PDHX: variants seen among roughly 807,000 people sequenced by gnomAD.
PDHX encodes the protein pyruvate dehydrogenase complex component X.
Under a neutral mutation model 55.3 loss-of-function variants are expected in PDHX, and 33 were observed. The observed-to-expected ratio is 0.60, with a 90% CI of 0.45 to 0.80. The LOEUF is 0.80. Among genes scored for constraint, PDHX ranks in the 30% least tolerant of loss-of-function variants. PDHX has a pLI of 0.00. For missense variants in PDHX, 622 were observed against 619.9 expected, an observed-to-expected ratio of 1.00 and a Z score of -0.04; for synonymous variants, 226 against 219.4, an observed-to-expected ratio of 1.03 and a Z score of -0.27.
chr11:34,974,855 C>T (rs1174817280), intron 7 of PDHX, among the ~76,000 whole-genome samples: 1 of 152,126 alleles, frequency 6.6e-6, no homozygotes, highest in Non-Finnish European at 1.5e-5. Context: ...TTACAGTGAG[C>T]TATAATTGCA....
At chr11:34,931,166 G>A (rs1315842317) in intron 1 of PDHX, among the ~76,000 whole-genome samples, 1 of 151,960 alleles carries the variant, frequency 6.6e-6, no homozygotes, top group Non-Finnish European at 1.5e-5. Flanking sequence ...TAGAACACTG[G>A]GGAATTATGA....
chr11:34,947,243 A>G (rs879021726), intron 2 of PDHX, among the ~76,000 whole-genome samples: 1 of 152,146 alleles, frequency 6.6e-6, no homozygotes, highest in Non-Finnish European at 1.5e-5. Context: ...TCATTTTTAC[A>G]TGCTCAGTAA....
intron 1 of PDHX, among the ~76,000 whole-genome samples, chr11:34,920,042 A>G (rs1158769789): frequency 6.6e-6 from 1 of 152,226 alleles, no homozygotes; most frequent in African/African-American, 2.4e-5. Context: ...AGGAAATAAT[A>G]TATAAGGCAG....
intron 8 of PDHX, among the ~76,000 whole-genome samples, chr11:34,983,554 C>T (rs1855569469): frequency 6.6e-6 from 1 of 151,950 alleles, no homozygotes; most frequent in South Asian, 2.1e-4. Context: ...TCTCCTTAAG[C>T]TGATAGGCAA....
At chr11:34,990,947 A>C (rs56922113) in intron 9 of PDHX, among the ~76,000 whole-genome samples, 3,784 of 152,260 alleles carry the variant, frequency 0.025, 90 homozygotes, top group Middle Eastern at 0.082. Context: ...TTCCACATTT[A>C]TTTTATCTAC....
intron 5 of PDHX, 77 bp downstream of exon 5, chr11:34,960,595 C>T (rs1855003901): frequency 1.2e-6 from 1 of 854,562 alleles, no homozygotes; most frequent in African/African-American, 1.7e-5. Flanking sequence ...ATAAAAAGAG[C>T]TTATTCAGTC....
At chr11:34,977,569 A>AT (rs1345810211) in intron 7 of PDHX, among the ~76,000 whole-genome samples, 2 of 151,866 alleles carry the variant, frequency 1.3e-5, no homozygotes. Flanking sequence ...AAGCAGTTAA[A>AT]TTTTTTTTCA....
chr11:34,967,777 A>T (rs1855168000), intron 6 of PDHX, among the ~76,000 whole-genome samples: 1 of 152,214 alleles, frequency 6.6e-6, no homozygotes, highest in Admixed American at 6.5e-5. Context: ...AAAAGAGTTG[A>T]AAACAGTACA....
chr11:34,975,079 TTA>T (rs1855337046), intron 7 of PDHX, among the ~76,000 whole-genome samples: 1 of 152,214 alleles, frequency 6.6e-6, no homozygotes, highest in South Asian at 2.1e-4. Flanking sequence ...TTTCAGTTCT[TTA>T]AATAAAGATA....
At chr11:34,990,000 C>T (rs1413832890) in intron 9 of PDHX, among the ~76,000 whole-genome samples, 1 of 152,106 alleles carries the variant, frequency 6.6e-6, no homozygotes, top group Non-Finnish European at 1.5e-5. Context: ...CCATGAACCC[C>T]AAGTTAAGAA....
intron 1 of PDHX, among the ~76,000 whole-genome samples, chr11:34,924,541 A>G (rs1322309980): frequency 6.6e-6 from 1 of 152,144 alleles, no homozygotes; most frequent in African/African-American, 2.4e-5. Flanking sequence ...CTTTACAAAA[A>G]TCTATTTATG....
intron 7 of PDHX, among the ~76,000 whole-genome samples, chr11:34,970,730 AG>A (rs1290304066): frequency 6.6e-6 from 1 of 152,224 alleles, no homozygotes; most frequent in Non-Finnish European, 1.5e-5. Context: ...TGAAGCTCAA[AG>A]GAAGTCCTCA....
At chr11:34,951,671 C>G (rs1240170122) in intron 3 of PDHX, among the ~76,000 whole-genome samples, 1 of 152,098 alleles carries the variant, frequency 6.6e-6, no homozygotes, top group African/African-American at 2.4e-5. Context: ...ATGGTAGTTT[C>G]TTTTGCTGTG....
intron 8 of PDHX, among the ~76,000 whole-genome samples, chr11:34,978,720 A>C (rs1305613490): frequency 6.6e-6 from 1 of 152,030 alleles, no homozygotes; most frequent in Non-Finnish European, 1.5e-5. Context: ...GCATTAACCA[A>C]AGATGTGGTG....
intron 2 of PDHX, among the ~76,000 whole-genome samples, chr11:34,935,167 TA>T (rs1854279620): frequency 6.6e-6 from 1 of 151,808 alleles, no homozygotes; most frequent in African/African-American, 2.4e-5. Context: ...ATTTATTTTT[TA>T]TATATAAATT....
chr11:34,937,178 G>A (rs1320551044), intron 2 of PDHX, among the ~76,000 whole-genome samples: 3 of 152,172 alleles, frequency 2.0e-5, no homozygotes, highest in African/African-American at 7.2e-5. Context: ...GGAGATAACT[G>A]TAGGCAATTT....
chr11:34,929,718 G>A (rs529925080), intron 1 of PDHX, among the ~76,000 whole-genome samples: 8 of 152,294 alleles, frequency 5.3e-5, no homozygotes, highest in South Asian at 4.1e-4. Flanking sequence ...ATGAAGATTC[G>A]CATCCTGTAA....
intron 1 of PDHX, among the ~76,000 whole-genome samples, chr11:34,919,941 G>T (rs1853832310): frequency 6.6e-6 from 1 of 152,118 alleles, no homozygotes; most frequent in Non-Finnish European, 1.5e-5. Context: ...GATCCTTAAG[G>T]TATTTGTAGT....
chr11:34,989,804 A>G lies in PDHX; in HGVS notation c.1183-2511A>G, dbSNP rs116416960. 3.0e-3 allele frequency among the ~76,000 whole-genome samples: 458 copies of G among 152,044 alleles called. 3 individuals carry two copies. Among genetic ancestry groups the G allele is most frequent in the African/African-American group, 0.01 (431 of 41,456 alleles). ...ATTAGTCTTTGAAATTACCTTGTTT[A>G]TTTATTTGTTCACCCTTCTGTGTTC... is the stretch of plus-strand genomic sequence containing the variant. On this transcript the variant is annotated intron_variant, in intron 9 of 10. Coordinates refer to ENST00000227868, the MANE Select transcript of PDHX (RefSeq NM_003477.3).
Sources: gnomAD v4.1 joint callset for allele counts (sites outside exome capture counted in the v4.1 genomes callset) on GRCh38, gnomAD v4.1.1 for gene constraint, MANE v1.5 for transcripts, NCBI Gene and HGNC (gene_info 2026-07-23, HGNC 2026-07-21) for gene names.